CUL3: variants seen among roughly 807,000 people sequenced by gnomAD.
CUL3 encodes cullin-3.
A neutral mutation model predicts 89.1 loss-of-function variants in CUL3; 19 were observed. The observed-to-expected ratio is 0.21, with a 90% CI of 0.15 to 0.31. CUL3 has a LOEUF of 0.31. Ranked by LOEUF, CUL3 falls within the 10% of genes least tolerant of loss-of-function variation. The probability of loss-of-function intolerance (pLI) is 1.00; values close to 1 mark genes in which losing one functional copy is unlikely to be tolerated. For missense variants in CUL3, 469 were observed against 942.3 expected, an observed-to-expected ratio of 0.50 and a Z score of 6.58; for synonymous variants, 351 against 308.4, an observed-to-expected ratio of 1.14 and a Z score of -1.45.
intron 14 of CUL3, among the ~76,000 whole-genome samples, chr2:224,481,356 A>C (rs1030642889): frequency 4.0e-5 from 6 of 151,758 alleles, no homozygotes; most frequent in Non-Finnish European, 7.4e-5. Context: ...ATTATGTTAA[A>C]TGTTTAATGA....
intron 3 of CUL3, among the ~76,000 whole-genome samples, chr2:224,528,379 G>C (rs1415804823): frequency 6.6e-6 from 1 of 151,998 alleles, no homozygotes; most frequent in Non-Finnish European, 1.5e-5. Flanking sequence ...CATCTCTCTG[G>C]TAAGAACCAG....
At chr2:224,478,495 CT>C (rs1691408074) in intron 14 of CUL3, 150 bp from the exon 15 acceptor site, 3 of 586,098 alleles carry the variant, frequency 5.1e-6, no homozygotes, top group Non-Finnish European at 8.4e-6. Context: ...CATTCAGAAA[CT>C]GTCTTAATGT....
At chr2:224,583,747 C>A (rs1008036359) in intron 1 of CUL3, among the ~76,000 whole-genome samples, 2 of 152,206 alleles carry the variant, frequency 1.3e-5, no homozygotes, top group Admixed American at 6.5e-5. Flanking sequence ...GAGAGGTCCT[C>A]ATGTTCTCTG....
At chr2:224,500,173 C>T (rs565913194) in intron 11 of CUL3, 190 bp downstream of exon 11, 2 of 509,206 alleles carry the variant, frequency 3.9e-6, no homozygotes, top group East Asian at 3.3e-5. Flanking sequence ...ATAAATTATG[C>T]CTGCTTTACT....
chr2:224,557,874 G>GAAAAAAAA lies in CUL3; in HGVS notation c.67-19_67-18insTTTTTTTT. ...ATGGTCATCTGTAATATCCAAGAGA[G>GAAAAAAAA]AGAAGAGACAAAAAAAAAAAAAAAA... On this transcript the variant is annotated intron_variant, in intron 1 of 15. Transcript: ENST00000264414. The GAAAAAAAA allele has an allele frequency of 5.2e-6, 1 of 191,704 alleles. No homozygotes were observed. The highest frequency in any genetic ancestry group is 9.1e-6 in the Non-Finnish European group (1 of 109,870). The allele number at this position is 191,704 out of a possible 1,614,324, so 11.9% of individuals were successfully genotyped here.
chr2:224,504,906 A>G (rs1299312822), intron 8 of CUL3, among the ~76,000 whole-genome samples: 3 of 152,020 alleles, frequency 2.0e-5, no homozygotes, highest in East Asian at 1.9e-4. Context: ...GAGATATCAT[A>G]TATCACAAAG....
At chr2:224,500,153 C>T (rs1234557620) in intron 11 of CUL3, 2 of 461,050 alleles carry the variant, frequency 4.3e-6, no homozygotes, top group African/African-American at 2.0e-5. Context: ...TATAAACAAT[C>T]TTTCTAGAGA....
intron 1 of CUL3, among the ~76,000 whole-genome samples, chr2:224,564,984 T>C (rs565651915): frequency 2.6e-5 from 4 of 152,342 alleles, no homozygotes; most frequent in African/African-American, 7.2e-5. Context: ...CAAGTACTAC[T>C]GACATTAACC....
At chr2:224,504,702 A>G (rs374661910) in intron 8 of CUL3, among the ~76,000 whole-genome samples, 1 of 152,274 alleles carries the variant, frequency 6.6e-6, no homozygotes, top group African/African-American at 2.4e-5. Context: ...AAATTAATAG[A>G]CTTTTCTATT....
chr2:224,502,854 G>A (rs78990127), intron 10 of CUL3, 111 bp downstream of exon 10: 3 of 719,108 alleles, frequency 4.2e-6, no homozygotes, highest in African/African-American at 3.5e-5. Context: ...AACACATGTT[G>A]TCACTAATGA....
intron 12 of CUL3, among the ~76,000 whole-genome samples, chr2:224,496,532 TC>T (rs1356722498): frequency 6.6e-6 from 1 of 152,112 alleles, no homozygotes; most frequent in African/African-American, 2.4e-5. Flanking sequence ...ACTAATCAAT[TC>T]CCTGTATTTA....
At chr2:224,566,833 T>A (rs553528433) in intron 1 of CUL3, among the ~76,000 whole-genome samples, 29 of 152,330 alleles carry the variant, frequency 1.9e-4, no homozygotes, top group African/African-American at 7.0e-4. Flanking sequence ...ATATTCAATA[T>A]GAGATAAAAA....
At chr2:224,477,350 A>G (rs907107408) in intron 15 of CUL3, among the ~76,000 whole-genome samples, 1 of 152,196 alleles carries the variant, frequency 6.6e-6, no homozygotes, top group Non-Finnish European at 1.5e-5. Flanking sequence ...CCAGTGCTCT[A>G]AAGAGTTTCT....
rs1372489559 is a variant in CUL3 at position 224,557,206 on chromosome 2, T to TA, written c.264+452dup. Among the ~76,000 whole-genome samples, 7 of 152,118 alleles carry TA rather than the reference T, an allele frequency of 4.6e-5. No homozygotes were observed. In the South Asian group the frequency reaches 1.0e-3, roughly 23 times the overall value. ...GAACAGCCCAACAATAATTTATCTT[T>TA]AAAAAAAATTCAAATGTACCACAGA... On this transcript the variant is annotated intron_variant, in intron 2 of 15. Coordinates refer to ENST00000264414, the MANE Select transcript of CUL3 (RefSeq NM_003590.5).
At chr2:224,520,346 C>A (rs983931018) in intron 3 of CUL3, among the ~76,000 whole-genome samples, 14 of 152,212 alleles carry the variant, frequency 9.2e-5, no homozygotes, top group African/African-American at 2.9e-4. Context: ...ATGGTGGGGA[C>A]CCACCTCATG....
intron 3 of CUL3, 79 bp from the exon 4 acceptor site, chr2:224,514,851 GAAAT>G: frequency 9.6e-7 from 1 of 1,037,876 alleles, no homozygotes; most frequent in Non-Finnish European, 1.4e-6. Context: ...ACAAATAAAG[GAAAT>G]AAAATTCCAA....
chr2:224,475,666 C>T (rs1174244973), intron 15 of CUL3, among the ~76,000 whole-genome samples: 2 of 152,168 alleles, frequency 1.3e-5, no homozygotes, highest in Non-Finnish European at 2.9e-5. Flanking sequence ...ATCTCCCACC[C>T]TTTGCCCTTC....
intron 3 of CUL3, among the ~76,000 whole-genome samples, chr2:224,527,227 A>G (rs901078853): frequency 6.6e-6 from 1 of 152,254 alleles, no homozygotes; most frequent in African/African-American, 2.4e-5. Flanking sequence ...AGAAGGTGCC[A>G]GGAAAATTCT....
intron 1 of CUL3, among the ~76,000 whole-genome samples, chr2:224,558,966 G>C (rs112959208): frequency 0.061 from 9,189 of 151,850 alleles, 393 homozygotes; most frequent in Middle Eastern, 0.099. Context: ...TGTGGCAGGA[G>C]AATGGTGTGA....
Sources: gnomAD v4.1 joint callset for allele counts (sites outside exome capture counted in the v4.1 genomes callset) on GRCh38, gnomAD v4.1.1 for gene constraint, MANE v1.5 for transcripts, NCBI Gene and HGNC (gene_info 2026-07-23, HGNC 2026-07-21) for gene names.